DSCAML1: variants seen among roughly 807,000 people sequenced by gnomAD.
DSCAML1 encodes the protein DS cell adhesion molecule like 1.
A neutral mutation model predicts 200.5 loss-of-function variants in DSCAML1; 38 were observed. That is an observed-to-expected ratio of 0.19 (90% CI 0.15 to 0.25). DSCAML1 has a LOEUF of 0.25. DSCAML1 is among the 10% of genes least tolerant of loss of function. DSCAML1 has a pLI of 1.00. For missense variants in DSCAML1, 2,223 were observed against 2,858.8 expected (o/e 0.78, Z 5.07); for synonymous variants, 1,215 against 1,165.0 (o/e 1.04, Z -0.87).
intron 3 of DSCAML1, among the ~76,000 whole-genome samples, chr11:117,576,599 C>A (rs1316346268): frequency 2.0e-5 from 3 of 152,252 alleles, no homozygotes; most frequent in Non-Finnish European, 4.4e-5. Context: ...GCCTGGCACA[C>A]AATACCAGCT....
intron 3 of DSCAML1, among the ~76,000 whole-genome samples, chr11:117,682,267 G>A (rs534871195): frequency 9.1e-4 from 138 of 152,220 alleles, no homozygotes; most frequent in African/African-American, 3.1e-3. Flanking sequence ...TCTGGCCTCC[G>A]CTGCCTGTCC....
intron 11 of DSCAML1, among the ~76,000 whole-genome samples, chr11:117,484,037 G>GC (rs1413352633): frequency 8.7e-5 from 4 of 46,098 alleles, no homozygotes; most frequent in African/African-American, 3.6e-4. Flanking sequence ...CCCCGCCCCT[G>GC]CCCCCCGCCC....
At chr11:117,667,453 G>T (rs981684844) in intron 3 of DSCAML1, among the ~76,000 whole-genome samples, 3 of 152,114 alleles carry the variant, frequency 2.0e-5, no homozygotes, top group African/African-American at 7.2e-5. Context: ...GTTCTGCCCG[G>T]GGTCTGACTA....
At chr11:117,577,800 C>T (rs1053952965) in intron 3 of DSCAML1, among the ~76,000 whole-genome samples, 9 of 151,154 alleles carry the variant, frequency 6.0e-5, no homozygotes, top group Non-Finnish European at 1.2e-4. Flanking sequence ...CTACTGACCT[C>T]AAGTGATCCA....
intron 3 of DSCAML1, among the ~76,000 whole-genome samples, chr11:117,627,083 C>T (rs752694383): frequency 2.6e-5 from 4 of 152,112 alleles, no homozygotes; most frequent in Non-Finnish European, 5.9e-5. Flanking sequence ...GGTCATTAGA[C>T]TAATAACAGC....
intron 1 of DSCAML1, among the ~76,000 whole-genome samples, chr11:117,784,457 G>A (rs2134060352): frequency 6.6e-6 from 1 of 152,304 alleles, no homozygotes; most frequent in South Asian, 2.1e-4. Context: ...GTGCCACGCT[G>A]AAGACTGGGC....
intron 2 of DSCAML1, among the ~76,000 whole-genome samples, chr11:117,779,467 A>G (rs2055193372): frequency 6.6e-6 from 1 of 152,150 alleles, no homozygotes; most frequent in Non-Finnish European, 1.5e-5. Context: ...TTCACTGCTA[A>G]AAGTCTTTCA....
intron 1 of DSCAML1, among the ~76,000 whole-genome samples, chr11:117,793,417 C>T (rs2055512728): frequency 6.6e-6 from 1 of 152,062 alleles, no homozygotes; most frequent in African/African-American, 2.4e-5. Context: ...GAGCATCTGC[C>T]CTCCCCTCTC....
At chr11:117,657,498 A>G (rs545456092) in intron 3 of DSCAML1, among the ~76,000 whole-genome samples, 155 of 152,342 alleles carry the variant, frequency 1.0e-3, no homozygotes, top group Middle Eastern at 3.4e-3. Context: ...CACTCATGTA[A>G]CAATCATATT....
Position 117,552,020 on chromosome 11 carries a change from G to A in DSCAML1, c.512-19498C>T, listed in dbSNP as rs73591007. Among the ~76,000 whole-genome samples, 142 of 150,804 alleles carry A rather than the reference G, an allele frequency of 9.4e-4. 1 individual carries two copies. Among genetic ancestry groups the A allele is most frequent in the African/African-American group, 3.1e-3 (129 of 40,992 alleles). On this transcript the variant is annotated intron_variant, in intron 3 of 32. Coordinates refer to ENST00000651296, the MANE Select transcript of DSCAML1 (RefSeq NM_020693.4). ...CTTTTGAAAGGAGGGAGTATGGAGGGGGAAGAGAAGGTGGGGGACAGAGTG... is the reference window on the plus strand; with the variant it reads ...CTTTTGAAAGGAGGGAGTATGGAGGAGGAAGAGAAGGTGGGGGACAGAGTG...
Position 117,518,508 on chromosome 11 carries a change from A to G in DSCAML1, c.1468T>C (p.Leu490=). 6.2e-7 allele frequency: 1 copy of G among 1,614,170 alleles called. No homozygotes were observed. The highest frequency in any genetic ancestry group is 8.5e-7 in the Non-Finnish European group (1 of 1,180,022). ...GCCTGATATTCAGCACTGCCCACCA[A>G]GTTCCGCGCTGTGCACCGGTACACG... The part of the protein sequence containing the change: ...GGVYRCTARN[L]VGSAEYQARI... Residue 490 remains leucine, a synonymous_variant, in exon 7 of 33, where the codon TTG becomes CTG. Coordinates refer to ENST00000651296, the MANE Select transcript of DSCAML1 (RefSeq NM_020693.4). This position sits in a 1 kb window ranked among gnomAD's most constrained non-coding sequence, Gnocchi z 6.3.
chr11:117,518,897 T>G lies in DSCAML1; in HGVS notation c.1214-135A>C, dbSNP rs1308971589. The G allele has an allele frequency of 2.0e-6, 2 of 994,140 alleles. No individual in the cohort carries two copies. The highest frequency in any genetic ancestry group is 2.9e-6 in the Non-Finnish European group (2 of 695,784). The allele number at this position is 994,140 out of a possible 1,614,324, so 61.6% of individuals were successfully genotyped here. A position where few individuals can be genotyped will look rare whatever the true frequency, so the allele number is the denominator to read the frequency against. Reference sequence around the variant, plus strand: ...CAAGAACTTTTGTGTACATCAATTCTTCTGCTATCCGCAACCCCAAGTGGT... The same window carrying G: ...CAAGAACTTTTGTGTACATCAATTCGTCTGCTATCCGCAACCCCAAGTGGT... On this transcript the variant is annotated intron_variant, in intron 6 of 32. Coordinates refer to ENST00000651296, the MANE Select transcript of DSCAML1 (RefSeq NM_020693.4). This position sits in a 1 kb window ranked among gnomAD's most constrained non-coding sequence, Gnocchi z 6.3.
chr11:117,651,690 C>T (rs536268745), intron 3 of DSCAML1, among the ~76,000 whole-genome samples: 24 of 115,654 alleles, frequency 2.1e-4, no homozygotes, highest in African/African-American at 5.8e-4. Context: ...CCAGCCTGGG[C>T]GACAGAGCAA....
At chr11:117,472,919 C>T (rs888067583) in intron 14 of DSCAML1, among the ~76,000 whole-genome samples, 1 of 152,112 alleles carries the variant, frequency 6.6e-6, no homozygotes, top group Non-Finnish European at 1.5e-5. Context: ...ACCTTCCACA[C>T]CCGGGATTCT....
At chr11:117,446,691 C>T (rs946254075) in intron 20 of DSCAML1, among the ~76,000 whole-genome samples, 17 of 152,156 alleles carry the variant, frequency 1.1e-4, no homozygotes, top group African/African-American at 4.1e-4. Flanking sequence ...AATGTGGGAT[C>T]AGCATAGGTG....
chr11:117,635,278 C>T (rs1222527554), intron 3 of DSCAML1, among the ~76,000 whole-genome samples: 1 of 152,172 alleles, frequency 6.6e-6, no homozygotes, highest in Non-Finnish European at 1.5e-5. Context: ...CAGCTCTACT[C>T]GCCCATTCTT....
intron 3 of DSCAML1, among the ~76,000 whole-genome samples, chr11:117,673,841 G>C (rs948385015): frequency 5.9e-5 from 9 of 152,208 alleles, no homozygotes; most frequent in African/African-American, 1.9e-4. Flanking sequence ...GGAGAACATT[G>C]ATTCATTCCC....
At chr11:117,572,900 C>T (rs561709793) in intron 3 of DSCAML1, among the ~76,000 whole-genome samples, 3 of 152,312 alleles carry the variant, frequency 2.0e-5, no homozygotes, top group Non-Finnish European at 2.9e-5. Context: ...AATCAGGCAT[C>T]GCCCGGGGGC....
At chr11:117,723,649 G>A (rs4938435) in intron 3 of DSCAML1, among the ~76,000 whole-genome samples, 134,764 of 152,242 alleles carry the variant, frequency 0.89, 60,988 homozygotes, top group South Asian at 0.99. Flanking sequence ...CGGGGTTGGC[G>A]TTGAGTTCAT....
Sources: allele counts gnomAD v4.1 joint callset (sites outside exome capture counted in the v4.1 genomes callset), GRCh38; gene constraint gnomAD v4.1.1; non-coding constraint Gnocchi (gnomAD v3.1); transcripts MANE v1.5; gene names NCBI Gene and HGNC (gene_info 2026-07-23, HGNC 2026-07-21).